The following PAM variants were observed in gnomAD, a reference collection of about 807,000 sequenced individuals.
PAM encodes the protein peptidylglycine alpha-amidating monooxygenase, also known as peptidyl-glycine alpha-amidating monooxygenase.
A neutral mutation model predicts 122.1 loss-of-function variants in PAM; 72 were observed. The observed-to-expected ratio is 0.59, with a 90% CI of 0.49 to 0.72. The LOEUF (loss-of-function observed/expected upper bound fraction) is 0.72, where lower values mean the gene tolerates loss of function less well. Ranked by LOEUF, PAM falls within the 30% of genes least tolerant of loss-of-function variation. The probability of loss-of-function intolerance (pLI) is 0.00; values close to 1 mark genes in which losing one functional copy is unlikely to be tolerated. For synonymous variants in PAM, 389 were observed against 404.4 expected (o/e 0.96, Z 0.46); for missense variants, 1,106 against 1,183.7 (o/e 0.93, Z 0.96).
chr5:102,771,137 A>G (rs1224852780), intron 1 of PAM, among the ~76,000 whole-genome samples: 1 of 152,136 alleles, frequency 6.6e-6, no homozygotes, highest in East Asian at 1.9e-4. Flanking sequence ...GGGAGTTATA[A>G]ACTCCTATTG....
At chr5:102,840,313 A>G (rs1017805446) in intron 1 of PAM, among the ~76,000 whole-genome samples, 1 of 152,168 alleles carries the variant, frequency 6.6e-6, no homozygotes, top group Non-Finnish European at 1.5e-5. Context: ...AATCATGGGC[A>G]AAATGAAGTC....
At chr5:102,886,319 T>C (rs941127438) in intron 3 of PAM, among the ~76,000 whole-genome samples, 2 of 152,090 alleles carry the variant, frequency 1.3e-5, no homozygotes, top group South Asian at 2.1e-4. Flanking sequence ...TTCTAGCAAA[T>C]CCCAAAGATA....
chr5:102,949,565 TA>T lies in PAM; in HGVS notation c.677del (p.Asn226IlefsTer16). The part of the protein sequence containing the change: ...VVNSDISCHY[K>X]NYPMHVFAYR... The stretch of plus-strand genomic sequence containing the variant: ...TGAATTCTGACATTTCATGCCATTA[TA>T]AAAATTATCCAATGCATGTCTTTGC... On this transcript the variant is annotated frameshift_variant, in exon 10 of 26. Transcript: ENST00000438793. LOFTEE classifies it high-confidence loss of function. The T allele has an allele frequency of 6.4e-7, 1 of 1,552,980 alleles. No homozygotes were observed. The highest frequency in any genetic ancestry group is 8.9e-7 in the Non-Finnish European group (1 of 1,124,394).
intron 3 of PAM, among the ~76,000 whole-genome samples, chr5:102,897,619 C>A (rs1796573939): frequency 6.6e-6 from 1 of 151,526 alleles, no homozygotes; most frequent in Non-Finnish European, 1.5e-5. Context: ...TTACAGGGAA[C>A]AACCAATTTA....
chr5:102,842,176 A>G (rs1181114277), intron 1 of PAM, among the ~76,000 whole-genome samples: 10 of 151,394 alleles, frequency 6.6e-5, no homozygotes, highest in Non-Finnish European at 1.5e-4. Flanking sequence ...AAAAATATCA[A>G]TAATTTAACT....
chr5:102,970,390 A>G (rs1765446704), intron 14 of PAM, among the ~76,000 whole-genome samples: 1 of 152,202 alleles, frequency 6.6e-6, no homozygotes, highest in Admixed American at 6.5e-5. Context: ...TACATCCATT[A>G]TTACAGAAAA....
chr5:102,839,487 A>G (rs1341077696), intron 1 of PAM, among the ~76,000 whole-genome samples: 1 of 150,940 alleles, frequency 6.6e-6, no homozygotes, highest in East Asian at 1.9e-4. Context: ...CAGTGAGCCA[A>G]GATCTCTTCA....
chr5:102,781,414 T>A (rs1207360448), intron 1 of PAM, among the ~76,000 whole-genome samples: 1 of 152,154 alleles, frequency 6.6e-6, no homozygotes, highest in Non-Finnish European at 1.5e-5. Flanking sequence ...ATGTTAAAGG[T>A]TACAAAATCA....
chr5:102,832,464 TTA>T (rs1318935649), intron 1 of PAM, among the ~76,000 whole-genome samples: 1 of 152,060 alleles, frequency 6.6e-6, no homozygotes, highest in Non-Finnish European at 1.5e-5. Flanking sequence ...CCTATATATA[TTA>T]TGTTTTTCCC....
intron 11 of PAM, among the ~76,000 whole-genome samples, chr5:102,950,416 G>GGGGTGTGTGTGTGTGTGTGTGTGTGTGT (rs372626572): frequency 6.9e-6 from 1 of 145,966 alleles, no homozygotes; most frequent in African/African-American, 2.6e-5. Context: ...TATGTGGGTG[G>GGGGTGTGTGTGTGTGTGTGTGTGTGTGT]GTGTGTGTGT....
intron 3 of PAM, among the ~76,000 whole-genome samples, chr5:102,888,150 A>G (rs993661355): frequency 1.3e-5 from 2 of 152,068 alleles, no homozygotes; most frequent in African/African-American, 4.8e-5. Context: ...ATTCCAGTGT[A>G]TGGCAGTAGC....
Position 102,986,280 on chromosome 5 carries a change from A to C in PAM, c.1484-3992A>C, listed in dbSNP as rs1319963698. On this transcript the variant is annotated intron_variant, in intron 15 of 25. Coordinates refer to ENST00000438793, the MANE Select transcript of PAM (RefSeq NM_001177306.2). ...ATAAAAGGCACCCAAATCAGAAAAG[A>C]GGAAGTCAGATTAGTCCCTCTTTGT... Among the ~76,000 whole-genome samples the C allele has an allele frequency of 3.3e-5, 5 of 152,168 alleles. No homozygotes were observed. In the East Asian group the frequency reaches 9.6e-4, roughly 29 times the overall value.
chr5:102,983,993 A>C (rs1167226630), intron 15 of PAM, among the ~76,000 whole-genome samples: 1 of 152,214 alleles, frequency 6.6e-6, no homozygotes, highest in Non-Finnish European at 1.5e-5. Context: ...GAACATCCCT[A>C]CAACAAATGC....
At chr5:102,779,533 G>A (rs182753971) in intron 1 of PAM, among the ~76,000 whole-genome samples, 6 of 152,160 alleles carry the variant, frequency 3.9e-5, no homozygotes, top group Admixed American at 3.3e-4. Context: ...GTGTCAACCT[G>A]ATTGAACTGA....
At chr5:102,818,283 G>A (rs1350446095) in intron 1 of PAM, among the ~76,000 whole-genome samples, 1 of 151,700 alleles carries the variant, frequency 6.6e-6, no homozygotes, top group Non-Finnish European at 1.5e-5. Flanking sequence ...GAGTATAATG[G>A]ATTATGTTCT....
At chr5:102,977,604 C>A (rs939851656) in intron 15 of PAM, among the ~76,000 whole-genome samples, 3 of 151,322 alleles carry the variant, frequency 2.0e-5, no homozygotes, top group Admixed American at 1.3e-4. Context: ...TGAAAGGAGA[C>A]CCATCAAGTA....
At chr5:103,012,053 A>G (rs1006016639) in intron 21 of PAM, among the ~76,000 whole-genome samples, 5 of 152,164 alleles carry the variant, frequency 3.3e-5, no homozygotes, top group African/African-American at 9.7e-5. Context: ...TGCCATTTGT[A>G]TGTCTTCTTT....
chr5:103,005,359 A>G (rs1444512008), intron 18 of PAM, 133 bp downstream of exon 18: 5 of 650,200 alleles, frequency 7.7e-6, no homozygotes, highest in Non-Finnish European at 1.4e-5. Context: ...AAGAAAATAG[A>G]GCAGCCATGT....
chr5:102,812,013 G>A (rs756570793), intron 1 of PAM, among the ~76,000 whole-genome samples: 2 of 152,182 alleles, frequency 1.3e-5, no homozygotes, highest in Admixed American at 6.5e-5. Flanking sequence ...TAACTCCTAT[G>A]TGAATCAGCT....
Sources: gnomAD v4.1 joint callset for allele counts (sites outside exome capture counted in the v4.1 genomes callset) on GRCh38, gnomAD v4.1.1 for gene constraint, MANE v1.5 for transcripts, NCBI Gene and HGNC (gene_info 2026-07-23, HGNC 2026-07-21) for gene names.